The following FMN1 variants were observed in gnomAD, a reference collection of about 807,000 sequenced individuals.
FMN1 encodes the protein formin-1.
Under a neutral mutation model 132.4 loss-of-function variants are expected in FMN1, and 110 were observed. The observed-to-expected ratio is 0.83, with a 90% CI of 0.71 to 0.97. FMN1 has a LOEUF of 0.97. Ranked by LOEUF, FMN1 falls within the 50% of genes least tolerant of loss-of-function variation. The probability of loss-of-function intolerance (pLI) is 0.00; values close to 1 mark genes in which losing one functional copy is unlikely to be tolerated. For missense variants in FMN1, 1,792 were observed against 1,705.3 expected (o/e 1.05, Z -0.90); for synonymous variants, 722 against 651.7 (o/e 1.11, Z -1.64).
chr15:32,784,314 GCTTTA>G (rs2056775348), intron 19 of FMN1, among the ~76,000 whole-genome samples: 1 of 151,976 alleles, frequency 6.6e-6, no homozygotes, highest in Admixed American at 6.6e-5. Flanking sequence ...AGTTAGAAAA[GCTTTA>G]CTTTGTTTTA....
intron 5 of FMN1, among the ~76,000 whole-genome samples, chr15:33,084,544 T>C (rs149919115): frequency 0.02 from 3,027 of 152,280 alleles, 60 homozygotes; most frequent in South Asian, 0.092. Flanking sequence ...AGTTGGTGTC[T>C]ACAGGCAATT....
intron 7 of FMN1, among the ~76,000 whole-genome samples, chr15:32,982,374 AAC>A (rs1207544554): frequency 6.6e-6 from 1 of 152,170 alleles, no homozygotes; most frequent in Non-Finnish European, 1.5e-5. Flanking sequence ...TATAAAGTTA[AAC>A]ACACACTTTC....
chr15:33,037,014 C>T (rs2036222245), intron 6 of FMN1, among the ~76,000 whole-genome samples: 1 of 152,220 alleles, frequency 6.6e-6, no homozygotes, highest in Non-Finnish European at 1.5e-5. Context: ...GCTATATTTC[C>T]TTTTGTTCTT....
chr15:32,908,637 C>T, intron 11 of FMN1, 59 bp from the exon 12 acceptor site: 1 of 1,048,208 alleles, frequency 9.5e-7, no homozygotes, highest in Non-Finnish European at 1.4e-6. Flanking sequence ...AAGTGAGACT[C>T]TGGCTATGGC....
At chr15:33,118,457 G>A (rs1346861455) in intron 4 of FMN1, among the ~76,000 whole-genome samples, 1 of 152,080 alleles carries the variant, frequency 6.6e-6, no homozygotes, top group African/African-American at 2.4e-5. Context: ...AAATAGGAAA[G>A]TAAAAAATGT....
chr15:33,000,669 G>A (rs957597696), intron 7 of FMN1, among the ~76,000 whole-genome samples: 1 of 151,982 alleles, frequency 6.6e-6, no homozygotes, highest in Non-Finnish European at 1.5e-5. Context: ...TCAGGAAGTG[G>A]ATTATACATT....
At chr15:32,994,631 C>T (rs570794134) in intron 7 of FMN1, among the ~76,000 whole-genome samples, 1 of 152,318 alleles carries the variant, frequency 6.6e-6, no homozygotes, top group South Asian at 2.1e-4. Context: ...GTCCTGCTCC[C>T]TCGAGCACCT....
At chr15:33,120,460 T>C (rs1441828868) in intron 4 of FMN1, among the ~76,000 whole-genome samples, 1 of 152,160 alleles carries the variant, frequency 6.6e-6, no homozygotes, top group East Asian at 1.9e-4. Flanking sequence ...ATGTTCAAAG[T>C]TAGCCATCTA....
chr15:33,067,569 C>G, intron 5 of FMN1: 1 of 1,613,952 alleles, frequency 6.2e-7, no homozygotes, highest in Admixed American at 1.7e-5. Flanking sequence ...CTCTGACTTC[C>G]CTCTGATTCT....
intron 7 of FMN1, among the ~76,000 whole-genome samples, chr15:32,995,284 T>C (rs1221808842): frequency 2.0e-5 from 3 of 152,002 alleles, no homozygotes; most frequent in East Asian, 1.9e-4. Flanking sequence ...AATCAGAAAA[T>C]CTAAGTCTTG....
chr15:33,194,404 G>C (rs1202028159), intron 1 of FMN1, among the ~76,000 whole-genome samples, 174 bp downstream of exon 1: 1 of 151,822 alleles, frequency 6.6e-6, no homozygotes, highest in East Asian at 1.9e-4. Flanking sequence ...GCAGCTTGGT[G>C]GGGGAGCTGG....
chr15:32,909,127 C>T (rs1017575539), intron 11 of FMN1, among the ~76,000 whole-genome samples: 1 of 152,224 alleles, frequency 6.6e-6, no homozygotes, highest in African/African-American at 2.4e-5. Context: ...AAGCTTATCT[C>T]TACTGTGAGC....
Position 32,926,269 on chromosome 15 carries a change from T to TAAA in FMN1, c.3139-9_3139-8insTTT. On this transcript the variant is annotated splice_polypyrimidine_tract_variant and intron_variant, in intron 9 of 20. Transcript: ENST00000616417. ...ATCCAACAATTTGATGATCTAAAAT[T>TAAA]AGAAAAAAAAAAAAAAGAATACAAG... The TAAA allele has an allele frequency of 7.3e-7, 1 of 1,363,108 alleles. No individual in the cohort carries two copies. Among genetic ancestry groups the TAAA allele is most frequent in the Non-Finnish European group, 9.8e-7 (1 of 1,020,266 alleles). The allele number at this position is 1,363,108 out of a possible 1,614,324, so 84.4% of individuals were successfully genotyped here. A position where few individuals can be genotyped will look rare whatever the true frequency, so the allele number is the denominator to read the frequency against.
chr15:32,894,796 C>T (rs117797686), intron 15 of FMN1, among the ~76,000 whole-genome samples: 4,012 of 146,484 alleles, frequency 0.027, 81 homozygotes, highest in South Asian at 0.078. Flanking sequence ...AAAAAAAAAA[C>T]GCTTACAATC....
At chr15:32,946,402 AAC>A (rs1251592566) in intron 9 of FMN1, among the ~76,000 whole-genome samples, 2 of 152,302 alleles carry the variant, frequency 1.3e-5, no homozygotes, top group African/African-American at 4.8e-5. Flanking sequence ...ACAAGGGTGT[AAC>A]ACACATGGTA....
In FMN1 at chr15:32,872,695, C is replaced by T. The variant is rs547927372; in HGVS notation, c.3835+15477G>A. Among the ~76,000 whole-genome samples, 3 of 152,298 alleles carry T rather than the reference C, an allele frequency of 2.0e-5. No individual in the cohort carries two copies. In the South Asian group the frequency reaches 6.2e-4, roughly 32 times the overall value. ...CTTCCAGCAGTGCAACAGCTGGCTA[C>T]AAAGAGGCCAGTGATTAAGATACAC... On this transcript the variant is annotated intron_variant, in intron 16 of 20. Transcript: ENST00000616417.
intron 9 of FMN1, among the ~76,000 whole-genome samples, chr15:32,963,229 A>AT (rs939548231): frequency 1.3e-5 from 2 of 151,678 alleles, no homozygotes; most frequent in Non-Finnish European, 2.9e-5. Flanking sequence ...CATTCTCAGT[A>AT]AACTATCACA....
intron 17 of FMN1, among the ~76,000 whole-genome samples, chr15:32,847,841 C>T (rs2058896059): frequency 2.6e-5 from 4 of 151,922 alleles, no homozygotes; most frequent in African/African-American, 4.8e-5. Flanking sequence ...GGTGACAAAG[C>T]GAGACTCCAT....
intron 7 of FMN1, among the ~76,000 whole-genome samples, chr15:32,973,938 T>C (rs2031997363): frequency 1.3e-5 from 2 of 152,176 alleles, no homozygotes; most frequent in South Asian, 4.1e-4. Context: ...GAAAGACTGG[T>C]AATGATTTGG....
Sources: allele counts gnomAD v4.1 joint callset (sites outside exome capture counted in the v4.1 genomes callset), GRCh38; gene constraint gnomAD v4.1.1; transcripts MANE v1.5; gene names NCBI Gene and HGNC (gene_info 2026-07-23, HGNC 2026-07-21).